The following SDK1 variants were observed in gnomAD, a reference collection of about 807,000 sequenced individuals.
The protein encoded by SDK1 is sidekick cell adhesion molecule 1, also known as protein sidekick-1.
SDK1 carries 157 observed loss-of-function variants against 245.5 expected under a neutral mutation model. The observed-to-expected ratio is 0.64, with a 90% CI of 0.56 to 0.73. The LOEUF is 0.73. Among genes scored for constraint, SDK1 ranks in the 30% least tolerant of loss-of-function variants. SDK1 has a pLI of 0.00. For missense variants in SDK1, 3,583 were observed against 3,002.3 expected (o/e 1.19, Z -4.52); for synonymous variants, 1,647 against 1,278.5 (o/e 1.29, Z -6.15).
At chr7:4,173,074 G>A (rs1781952279) in intron 32 of SDK1, among the ~76,000 whole-genome samples, 1 of 152,234 alleles carries the variant, frequency 6.6e-6, no homozygotes, top group Admixed American at 6.5e-5. Flanking sequence ...GCTCCGCCCA[G>A]GGAGCAGGAT....
intron 38 of SDK1, among the ~76,000 whole-genome samples, chr7:4,219,237 C>T (rs967943951): frequency 6.6e-6 from 1 of 152,216 alleles, no homozygotes; most frequent in African/African-American, 2.4e-5. Flanking sequence ...AGTTGGCCAA[C>T]CCAGGCAGGC....
chr7:3,833,771 G>T (rs540069996), intron 5 of SDK1, among the ~76,000 whole-genome samples: 1 of 152,240 alleles, frequency 6.6e-6, no homozygotes, highest in East Asian at 1.9e-4. Context: ...TGAGTCTTTT[G>T]TTTCTTTGTT....
chr7:4,126,992 C>T (rs988190649), intron 25 of SDK1, among the ~76,000 whole-genome samples: 2 of 152,186 alleles, frequency 1.3e-5, no homozygotes, highest in South Asian at 2.1e-4. Context: ...CCCCTTCTCT[C>T]TTCAGCTTCT....
intron 38 of SDK1, among the ~76,000 whole-genome samples, chr7:4,219,043 C>G (rs1232402581): frequency 6.6e-6 from 1 of 152,196 alleles, no homozygotes. Context: ...ATCCAACCAG[C>G]AAGACTTTTG....
intron 4 of SDK1, among the ~76,000 whole-genome samples, chr7:3,688,338 G>A (rs749467537): frequency 1.4e-4 from 22 of 152,268 alleles, no homozygotes; most frequent in Admixed American, 7.2e-4. Flanking sequence ...GTCAAATTTC[G>A]GCTCTACCAG....
At chr7:3,619,438 C>G (rs1781867109) in intron 2 of SDK1, among the ~76,000 whole-genome samples, 199 bp downstream of exon 2, 1 of 152,206 alleles carries the variant, frequency 6.6e-6, no homozygotes, top group African/African-American at 2.4e-5. Flanking sequence ...CCTAGGAAGT[C>G]TATCATTATA....
At chr7:3,846,309 T>G (rs1780277476) in intron 5 of SDK1, among the ~76,000 whole-genome samples, 1 of 152,254 alleles carries the variant, frequency 6.6e-6, no homozygotes, top group South Asian at 2.1e-4. Flanking sequence ...AAATTATGTT[T>G]ATTGCATGAA....
chr7:3,743,192 G>A (rs549209384), intron 4 of SDK1, among the ~76,000 whole-genome samples: 40 of 152,290 alleles, frequency 2.6e-4, no homozygotes, highest in African/African-American at 9.4e-4. Flanking sequence ...GTAAGAGAGG[G>A]TGGGGAGACT....
At chr7:4,011,790 G>A (rs1002751807) in intron 15 of SDK1, among the ~76,000 whole-genome samples, 3 of 152,202 alleles carry the variant, frequency 2.0e-5, no homozygotes, top group Admixed American at 1.3e-4. Flanking sequence ...GAGACGGCAG[G>A]CCGACGAGCG....
chr7:4,108,494 G>A (rs1189484548), intron 22 of SDK1, among the ~76,000 whole-genome samples: 1 of 152,112 alleles, frequency 6.6e-6, no homozygotes, highest in African/African-American at 2.4e-5. Context: ...TTTGGTGCCA[G>A]GGGACTTGCC....
rs745902939 is a variant in SDK1, at chr7:4,233,382, C to T, written c.5955C>T (p.Gly1985=). 2 of 1,613,484 alleles carry T rather than the reference C, an allele frequency of 1.2e-6. No homozygotes were observed. The highest frequency in any genetic ancestry group is 2.2e-5 in the South Asian group (2 of 91,086). Residue 1985 remains glycine (G), a synonymous_variant, in exon 41 of 45, where the codon GGC becomes GGT. Coordinates refer to ENST00000404826, the MANE Select transcript of SDK1 (RefSeq NM_152744.4). ...EFRVVAVNEA[G]YGEPSNPSTA... Reference sequence around the variant, plus strand: ...GGGTGGTGGCTGTGAATGAGGCGGGCTACGGGGAGCCCAGCAACCCCTCCA... The same window carrying T: ...GGGTGGTGGCTGTGAATGAGGCGGGTTACGGGGAGCCCAGCAACCCCTCCA...
intron 4 of SDK1, among the ~76,000 whole-genome samples, chr7:3,661,218 C>T (rs1373718406): frequency 6.6e-6 from 1 of 152,172 alleles, no homozygotes; most frequent in East Asian, 1.9e-4. Flanking sequence ...ACTTTATTAA[C>T]TTTTTTCATA....
rs114505175 is a variant in SDK1 at position 3,983,162 on chromosome 7, A to T, written c.1995-4024A>T. Reference sequence around the variant, plus strand: ...TACCGTGAACATTGTTGAAATGGCAACAAGGCCTTAGAATATTGCATGAAC... The same window carrying T: ...TACCGTGAACATTGTTGAAATGGCATCAAGGCCTTAGAATATTGCATGAAC... On this transcript the variant is annotated intron_variant, in intron 13 of 44. Coordinates refer to ENST00000404826, the MANE Select transcript of SDK1 (RefSeq NM_152744.4). Among the ~76,000 whole-genome samples the T allele has an allele frequency of 3.4e-3, 522 of 152,312 alleles. 3 individuals carry two copies. The highest frequency in any genetic ancestry group is 0.012 in the African/African-American group (495 of 41,574).
At chr7:3,507,443 A>G (rs1041157081) in intron 1 of SDK1, among the ~76,000 whole-genome samples, 2 of 152,240 alleles carry the variant, frequency 1.3e-5, no homozygotes, top group African/African-American at 4.8e-5. Context: ...AGCATGGTGC[A>G]GTAAATGCTC....
intron 5 of SDK1, among the ~76,000 whole-genome samples, chr7:3,854,109 T>C (rs949359571): frequency 3.9e-5 from 6 of 152,198 alleles, no homozygotes; most frequent in East Asian, 1.9e-4. Flanking sequence ...ATAGGGGTTA[T>C]AACTTCTAGA....
chr7:3,414,495 A>C (rs1344611863), intron 1 of SDK1, among the ~76,000 whole-genome samples: 2 of 152,166 alleles, frequency 1.3e-5, no homozygotes, highest in African/African-American at 4.8e-5. Flanking sequence ...TTTTTCTTTT[A>C]CATGAATATC....
chr7:3,469,805 C>G (rs1317072193), intron 1 of SDK1, among the ~76,000 whole-genome samples: 1 of 152,150 alleles, frequency 6.6e-6, no homozygotes, highest in African/African-American at 2.4e-5. Context: ...AAGAATAAAT[C>G]TGTCAGGCAT....
At chr7:3,485,927 T>A (rs1047431815) in intron 1 of SDK1, among the ~76,000 whole-genome samples, 2 of 151,934 alleles carry the variant, frequency 1.3e-5, no homozygotes, top group African/African-American at 4.8e-5. Flanking sequence ...TTTTTGAAGA[T>A]TTGAAAAACT....
At chr7:3,742,075 TG>T (rs927647860) in intron 4 of SDK1, among the ~76,000 whole-genome samples, 11 of 149,238 alleles carry the variant, frequency 7.4e-5, no homozygotes, top group South Asian at 2.1e-4. Flanking sequence ...AGCACAAATT[TG>T]GGGGGGGAGC....
Sources: gnomAD v4.1 joint callset for allele counts (sites outside exome capture counted in the v4.1 genomes callset) on GRCh38, gnomAD v4.1.1 for gene constraint, MANE v1.5 for transcripts, NCBI Gene and HGNC (gene_info 2026-07-23, HGNC 2026-07-21) for gene names.